TMPRSS15: variants seen among roughly 807,000 people sequenced by gnomAD.
TMPRSS15 encodes the protein enteropeptidase.
TMPRSS15 carries 128 observed loss-of-function variants against 125.3 expected under a neutral mutation model. That is an observed-to-expected ratio of 1.02 (90% CI 0.89 to 1.18). TMPRSS15 has a LOEUF of 1.18. Among genes scored for constraint, TMPRSS15 ranks in the 50% most tolerant of loss-of-function variants. The pLI, the probability that TMPRSS15 is intolerant of heterozygous loss-of-function variation, is 0.00. For missense variants in TMPRSS15, 1,283 were observed against 1,212.7 expected, an observed-to-expected ratio of 1.06 and a Z score of -0.86; for synonymous variants, 446 against 423.2, an observed-to-expected ratio of 1.05 and a Z score of -0.66.
chr21:18,474,281 A>G (rs979078786), intron 1 of TMPRSS15, among the ~76,000 whole-genome samples: 1 of 151,482 alleles, frequency 6.6e-6, no homozygotes, highest in Non-Finnish European at 1.5e-5. Flanking sequence ...ATTAAAAAAG[A>G]TATACATTTT....
chr21:18,315,934 A>G lies in TMPRSS15; in HGVS notation c.1922-678T>C, dbSNP rs937851481. On this transcript the variant is annotated intron_variant, in intron 16 of 24. Transcript: ENST00000284885. ...TTGATACTGAGCAAATGACGAGTTA[A>G]TGGGTGCAGCACACCAGCATGGCAC... is the stretch of plus-strand genomic sequence containing the variant. 7.5e-5 allele frequency among the ~76,000 whole-genome samples: 11 copies of G among 146,460 alleles called. No homozygotes were observed. In the East Asian group the frequency reaches 1.0e-3, roughly 14 times the overall value.
chr21:18,455,535 A>T (rs538057283), intron 1 of TMPRSS15, among the ~76,000 whole-genome samples: 5 of 152,340 alleles, frequency 3.3e-5, no homozygotes, highest in African/African-American at 1.2e-4. Context: ...CAGTTTCTAA[A>T]TTCCTATTAA....
intron 10 of TMPRSS15, among the ~76,000 whole-genome samples, chr21:18,349,990 C>T (rs554655119): frequency 1.6e-4 from 24 of 152,244 alleles, no homozygotes; most frequent in Middle Eastern, 6.8e-3. Flanking sequence ...ATTTCAACCA[C>T]ATAAAAGGTA....
At chr21:18,312,701 T>C (rs889694832) in intron 18 of TMPRSS15, among the ~76,000 whole-genome samples, 22 of 151,906 alleles carry the variant, frequency 1.4e-4, no homozygotes, top group Admixed American at 1.4e-3. Flanking sequence ...GTATTTTGTA[T>C]AACAGAGTAT....
In TMPRSS15 at chr21:18,281,108, T is replaced by TGACAATTTCATCTATTAATC. The variant is rs763761460; in HGVS notation, c.2599_2600insGATTAATAGATGAAATTGTC (p.His867ArgfsTer20). On this transcript the variant is annotated frameshift_variant, in exon 22 of 25. Transcript: ENST00000284885. LOFTEE classifies it high-confidence loss of function. Reference sequence around the variant, plus strand: ...GTTGTCCTTTCTTCGCCTATTGTAATGAGGGTTTATGACAATTTCATCTAT... The same window carrying TGACAATTTCATCTATTAATC: ...GTTGTCCTTTCTTCGCCTATTGTAATGACAATTTCATCTATTAATCGAGGGTTTATGACAATTTCATCTAT... The TGACAATTTCATCTATTAATC allele has an allele frequency of 1.3e-5, 21 of 1,613,994 alleles. No homozygotes were observed. The highest frequency in any genetic ancestry group is 1.8e-5 in the Non-Finnish European group (21 of 1,180,014).
intron 13 of TMPRSS15, among the ~76,000 whole-genome samples, chr21:18,336,679 A>G (rs2075396246): frequency 6.6e-6 from 1 of 152,108 alleles, no homozygotes; most frequent in Non-Finnish European, 1.5e-5. Flanking sequence ...TCTTGTTTTG[A>G]GATTGAGTCT....
At chr21:18,338,140 A>G (rs1181263379) in intron 13 of TMPRSS15, among the ~76,000 whole-genome samples, 1 of 152,154 alleles carries the variant, frequency 6.6e-6, no homozygotes, top group Non-Finnish European at 1.5e-5. Context: ...ATACATTTTT[A>G]ACTTAAGAAA....
intron 1 of TMPRSS15, among the ~76,000 whole-genome samples, chr21:18,425,445 T>G (rs1290953058): frequency 6.6e-6 from 1 of 152,118 alleles, no homozygotes; most frequent in Non-Finnish European, 1.5e-5. Flanking sequence ...AGGAGATTAG[T>G]GAAAAGAAGT....
At chr21:18,343,399 C>T in intron 12 of TMPRSS15, 107 bp downstream of exon 12, 1 of 1,084,048 alleles carries the variant, frequency 9.2e-7, no homozygotes, top group Non-Finnish European at 1.3e-6. Flanking sequence ...GAGAAAGTGA[C>T]TTGATTATCT....
intron 18 of TMPRSS15, among the ~76,000 whole-genome samples, chr21:18,306,084 G>C (rs1310324128): frequency 1.3e-5 from 2 of 152,232 alleles, no homozygotes; most frequent in East Asian, 3.9e-4. Flanking sequence ...TCTGTGTAAA[G>C]TTAGCGAATT....
intron 18 of TMPRSS15, 56 bp from the exon 19 acceptor site, chr21:18,297,885 T>C: frequency 7.4e-7 from 1 of 1,345,848 alleles, no homozygotes. Flanking sequence ...GAAAAGACCA[T>C]AAGTTAGACT....
At chr21:18,326,403 G>A in intron 16 of TMPRSS15, 29 bp downstream of exon 16, 2 of 1,614,000 alleles carry the variant, frequency 1.2e-6, no homozygotes, top group Non-Finnish European at 1.7e-6. Context: ...CAAAAGTTAT[G>A]ATGCAATGTG....
intron 1 of TMPRSS15, among the ~76,000 whole-genome samples, chr21:18,426,744 T>C (rs896293822): frequency 2.6e-5 from 4 of 152,202 alleles, no homozygotes; most frequent in Admixed American, 6.5e-5. Flanking sequence ...TTCAAAATTA[T>C]GCATTTTCAT....
chr21:18,451,070 T>TC (rs1237902606), intron 1 of TMPRSS15, among the ~76,000 whole-genome samples: 1 of 149,254 alleles, frequency 6.7e-6, no homozygotes, highest in East Asian at 2.1e-4. Flanking sequence ...AAAGATTCTC[T>TC]TTTTTTTTTA....
intron 1 of TMPRSS15, among the ~76,000 whole-genome samples, chr21:18,426,000 T>G (rs964514423): frequency 6.6e-6 from 1 of 152,182 alleles, no homozygotes; most frequent in South Asian, 2.1e-4. Flanking sequence ...AAATATCTTT[T>G]TATTCACCTA....
At chr21:18,393,330 T>C (rs930054075) in intron 3 of TMPRSS15, among the ~76,000 whole-genome samples, 1 of 152,222 alleles carries the variant, frequency 6.6e-6, no homozygotes, top group African/African-American at 2.4e-5. Flanking sequence ...ATAAAGCATG[T>C]TCTAGTACCT....
intron 18 of TMPRSS15, among the ~76,000 whole-genome samples, chr21:18,311,376 A>G (rs1217686991): frequency 6.6e-6 from 1 of 152,214 alleles, no homozygotes; most frequent in Admixed American, 6.5e-5. Flanking sequence ...AAAGAGCTCA[A>G]ACAAATCGAC....
chr21:18,326,531 T>C lies in TMPRSS15; in HGVS notation c.1822A>G (p.Thr608Ala). Residue 608 changes from threonine to alanine, a missense_variant, in exon 16 of 25, where the codon ACC becomes GCC. Transcript: ENST00000284885. ...GPGPVKDVFS[T>A]TNRMTVLLIT... ...AGAAGCACAGTCATTCTGTTGGTGG[T>C]AGAGAACACATCCTTTACTGGGCCA... 1 of 1,614,118 alleles carries C rather than the reference T, an allele frequency of 6.2e-7. No individual in the cohort carries two copies. Among genetic ancestry groups the C allele is most frequent in the Non-Finnish European group, 8.5e-7 (1 of 1,179,974 alleles).
chr21:18,414,417 A>G (rs1266275056), intron 1 of TMPRSS15, among the ~76,000 whole-genome samples: 1 of 152,216 alleles, frequency 6.6e-6, no homozygotes, highest in Non-Finnish European at 1.5e-5. Context: ...GCACAATATC[A>G]TATTGTTAAC....
Sources: gnomAD v4.1 joint callset for allele counts (sites outside exome capture counted in the v4.1 genomes callset) on GRCh38, gnomAD v4.1.1 for gene constraint, MANE v1.5 for transcripts, NCBI Gene and HGNC (gene_info 2026-07-23, HGNC 2026-07-21) for gene names.